Variants in LRP1B observed in about 807,000 individuals in gnomAD.
The protein encoded by LRP1B is low-density lipoprotein receptor-related protein 1B.
In LRP1B, 217 loss-of-function variants were observed where a neutral mutation model predicts 556.6. The observed-to-expected ratio is 0.39, with a 90% confidence interval of 0.35 to 0.44. The LOEUF is 0.44. Ranked by LOEUF, LRP1B falls within the 20% of genes least tolerant of loss-of-function variation. LRP1B has a pLI of 1.00. For synonymous variants in LRP1B, 2,047 were observed against 1,865.8 expected, an observed-to-expected ratio of 1.10 and a Z score of -2.50; for missense variants, 5,053 against 5,620.8, an observed-to-expected ratio of 0.90 and a Z score of 3.23.
intron 20 of LRP1B, among the ~76,000 whole-genome samples, chr2:140,947,814 A>G (rs1695587458): frequency 6.6e-6 from 1 of 152,228 alleles, no homozygotes; most frequent in Admixed American, 6.5e-5. Context: ...AATACAAATT[A>G]GTTCAAGAAC....
rs1327962800 is a variant in LRP1B, at chr2:141,040,823, C to A, written c.1789+8163G>T. On this transcript the variant is annotated intron_variant, in intron 11 of 90. Coordinates refer to ENST00000389484, the MANE Select transcript of LRP1B (RefSeq NM_018557.3). Reference sequence around the variant, plus strand: ...AGAGTAGGGCTTGGCCCTTCAATTGCCAAATAAGCAATCACATGAATATAG... The same window carrying A: ...AGAGTAGGGCTTGGCCCTTCAATTGACAAATAAGCAATCACATGAATATAG... 9.9e-5 allele frequency among the ~76,000 whole-genome samples: 15 copies of A among 151,994 alleles called. 1 individual carries two copies.
At chr2:141,992,475 A>C (rs1382565910) in intron 1 of LRP1B, among the ~76,000 whole-genome samples, 4 of 152,138 alleles carry the variant, frequency 2.6e-5, no homozygotes, top group Non-Finnish European at 4.4e-5. Context: ...ACTTAGGAAA[A>C]ATGAGTACAG....
intron 3 of LRP1B, among the ~76,000 whole-genome samples, chr2:141,438,500 G>A (rs1248502724): frequency 6.6e-6 from 1 of 152,036 alleles, no homozygotes; most frequent in East Asian, 1.9e-4. Flanking sequence ...TGGCTTCCAT[G>A]CCTCCTATTT....
chr2:141,466,989 AG>A (rs1682234123), intron 3 of LRP1B, among the ~76,000 whole-genome samples: 1 of 148,530 alleles, frequency 6.7e-6, no homozygotes, highest in Non-Finnish European at 1.5e-5. Context: ...CTGGCTCCCC[AG>A]GAACTATCCT....
intron 41 of LRP1B, among the ~76,000 whole-genome samples, chr2:140,615,533 G>A (rs1683224330): frequency 6.6e-6 from 1 of 152,094 alleles, no homozygotes; most frequent in Admixed American, 6.6e-5. Context: ...CAATTACAAA[G>A]CCCAACATGA....
chr2:141,826,038 C>T (rs905952935), intron 1 of LRP1B, among the ~76,000 whole-genome samples: 2 of 151,882 alleles, frequency 1.3e-5, no homozygotes, highest in African/African-American at 4.8e-5. Context: ...TTTGTGGGTA[C>T]TTTAATTACT....
chr2:141,130,060 A>G (rs1327557696), intron 7 of LRP1B, among the ~76,000 whole-genome samples: 1 of 152,050 alleles, frequency 6.6e-6, no homozygotes, highest in Non-Finnish European at 1.5e-5. Context: ...CAAAAAATGT[A>G]AAAAATAATG....
chr2:141,433,413 T>A (rs1205006864), intron 3 of LRP1B, among the ~76,000 whole-genome samples: 17 of 152,070 alleles, frequency 1.1e-4, no homozygotes, highest in Non-Finnish European at 2.5e-4. Context: ...AGTGGGTTTA[T>A]CATGTTGTTC....
At chr2:141,787,015 G>A (rs944087074) in intron 2 of LRP1B, among the ~76,000 whole-genome samples, 1 of 151,756 alleles carries the variant, frequency 6.6e-6, no homozygotes, top group Admixed American at 6.6e-5. Context: ...ACAATGTTAT[G>A]CATTTTATAT....
chr2:140,982,067 T>C (rs1696785630), intron 18 of LRP1B, 93 bp downstream of exon 18: 2 of 994,546 alleles, frequency 2.0e-6, no homozygotes, highest in African/African-American at 1.6e-5. Flanking sequence ...CCTGTACTCA[T>C]AAAGAAATAA....
chr2:141,602,546 T>A (rs976932565), intron 2 of LRP1B, among the ~76,000 whole-genome samples: 1 of 152,198 alleles, frequency 6.6e-6, no homozygotes, highest in Non-Finnish European at 1.5e-5. Context: ...TATTGCTAAG[T>A]TCCTGAAATC....
At chr2:141,920,226 T>C (rs994985654) in intron 1 of LRP1B, among the ~76,000 whole-genome samples, 1 of 141,270 alleles carries the variant, frequency 7.1e-6, no homozygotes, top group African/African-American at 2.5e-5. Flanking sequence ...AGCATTTGAG[T>C]CACACATTGC....
At chr2:140,454,607 G>A (rs756260789) in intron 62 of LRP1B, among the ~76,000 whole-genome samples, 19 of 151,766 alleles carry the variant, frequency 1.3e-4, no homozygotes, top group Admixed American at 7.2e-4. Context: ...GACTATTGGG[G>A]GTATTTAAAA....
intron 1 of LRP1B, among the ~76,000 whole-genome samples, chr2:142,086,530 G>A (rs185004151): frequency 6.6e-6 from 1 of 151,874 alleles, no homozygotes; most frequent in Non-Finnish European, 1.5e-5. Context: ...GTTTGAACCC[G>A]GGAGGCGGGA....
At chr2:141,750,420 A>G (rs1694066772) in intron 2 of LRP1B, among the ~76,000 whole-genome samples, 1 of 152,134 alleles carries the variant, frequency 6.6e-6, no homozygotes, top group Non-Finnish European at 1.5e-5. Flanking sequence ...TCCCAGTCCA[A>G]TTTACATAGC....
At chr2:140,977,082 T>C (rs1393201728) in intron 18 of LRP1B, among the ~76,000 whole-genome samples, 2 of 152,186 alleles carry the variant, frequency 1.3e-5, no homozygotes, top group African/African-American at 4.8e-5. Context: ...ATATTTAATA[T>C]AGTAATTTGA....
chr2:141,728,570 C>T (rs566021982), intron 2 of LRP1B, among the ~76,000 whole-genome samples: 5 of 152,216 alleles, frequency 3.3e-5, no homozygotes, highest in South Asian at 2.1e-4. Flanking sequence ...TGAATCACCA[C>T]GGGAATAAGT....
At chr2:141,823,365 T>C (rs1303372882) in intron 1 of LRP1B, among the ~76,000 whole-genome samples, 2 of 152,062 alleles carry the variant, frequency 1.3e-5, no homozygotes, top group Non-Finnish European at 2.9e-5. Flanking sequence ...GCCAGCACAG[T>C]GAGGATGAGG....
chr2:141,922,032 T>C (rs764308847), intron 1 of LRP1B, among the ~76,000 whole-genome samples: 6 of 152,132 alleles, frequency 3.9e-5, no homozygotes, highest in Non-Finnish European at 8.8e-5. Context: ...TAATTATTAA[T>C]CCTTAAATAT....
Sources: gnomAD v4.1 joint callset for allele counts (sites outside exome capture counted in the v4.1 genomes callset) on GRCh38, gnomAD v4.1.1 for gene constraint, MANE v1.5 for transcripts, NCBI Gene and HGNC (gene_info 2026-07-23, HGNC 2026-07-21) for gene names.